The following SLF2 variants were observed in gnomAD, a reference collection of about 807,000 sequenced individuals.
The protein encoded by SLF2 is SMC5/6 complex localization factor 2.
A neutral mutation model predicts 124.3 loss-of-function variants in SLF2; 68 were observed. The ratio of observed to expected loss-of-function variants is 0.55; its 90% CI spans 0.45 to 0.67. SLF2 has a LOEUF of 0.67. Among genes scored for constraint, SLF2 ranks in the 30% least tolerant of loss-of-function variants. SLF2 has a pLI of 0.00. For synonymous variants in SLF2, 480 were observed against 478.8 expected, an observed-to-expected ratio of 1.00 and a Z score of -0.03; for missense variants, 1,246 against 1,373.7, an observed-to-expected ratio of 0.91 and a Z score of 1.47.
chr10:100,921,023 G>A (rs878889045), intron 4 of SLF2, among the ~76,000 whole-genome samples: 1 of 152,254 alleles, frequency 6.6e-6, no homozygotes, highest in East Asian at 1.9e-4. Context: ...TTAATCAATT[G>A]TCATGGTAAT....
At chr10:100,916,541 A>G (rs183960686) in intron 2 of SLF2, 29 bp from the exon 3 acceptor site, 170 of 1,311,622 alleles carry the variant, frequency 1.3e-4, no homozygotes, top group Admixed American at 8.4e-4. Flanking sequence ...CTAACATGCA[A>G]TTTGTATGTG....
At chr10:100,920,196 A>C (rs1460004498) in intron 4 of SLF2, among the ~76,000 whole-genome samples, 4 of 152,258 alleles carry the variant, frequency 2.6e-5, no homozygotes, top group Non-Finnish European at 5.9e-5. Context: ...TACTAAATAC[A>C]TGATCACCTT....
At chr10:100,920,463 G>A (rs931422957) in intron 4 of SLF2, among the ~76,000 whole-genome samples, 26 of 152,184 alleles carry the variant, frequency 1.7e-4, no homozygotes, top group African/African-American at 5.1e-4. Context: ...GATGGTTGCC[G>A]TCACTTATAT....
At chr10:100,959,347 A>C (rs1850387189) in intron 18 of SLF2, 81 bp from the exon 19 acceptor site, 3 of 1,312,756 alleles carry the variant, frequency 2.3e-6, no homozygotes, top group South Asian at 3.6e-5. Context: ...TGCAGCTGTC[A>C]GATATTTTGT....
chr10:100,957,716 G>T (rs1369791989), intron 18 of SLF2, among the ~76,000 whole-genome samples: 11 of 151,930 alleles, frequency 7.2e-5, no homozygotes, highest in Admixed American at 7.2e-4. Flanking sequence ...GGGTGGAAAT[G>T]ATTTCAGCAC....
chr10:100,945,281 T>TA (rs780859781), intron 12 of SLF2, 49 bp from the exon 13 acceptor site: 2 of 1,439,946 alleles, frequency 1.4e-6, no homozygotes, highest in Non-Finnish European at 1.8e-6. Context: ...ACTCTAAAAG[T>TA]AAAATATACC....
rs770365453 is a variant in SLF2 at position 100,964,849 on chromosome 10, G to A, written c.*2937G>A. ...AATTAGGGGATGACTGTGGTGGTTT[G>A]TCGCTAAGGAGGCAACAGTAGGGTC... On this transcript the variant is annotated 3_prime_UTR_variant, in exon 20 of 20. Transcript: ENST00000238961. 6.6e-6 allele frequency: 1 copy of A among 152,248 alleles called. No homozygotes were observed. The highest frequency in any genetic ancestry group is 1.5e-5 in the Non-Finnish European group (1 of 68,018). 9.4% of individuals were successfully genotyped at this position (152,248 alleles called of 1,614,324 possible). A position where few individuals can be genotyped will look rare whatever the true frequency, so the allele number is the denominator to read the frequency against.
intron 17 of SLF2, among the ~76,000 whole-genome samples, chr10:100,953,906 C>T (rs1008885407): frequency 6.6e-6 from 1 of 152,062 alleles, no homozygotes; most frequent in Admixed American, 6.5e-5. Flanking sequence ...CCCGCCTCAG[C>T]CTCCCAAAGT....
intron 19 of SLF2, among the ~76,000 whole-genome samples, chr10:100,960,377 A>G (rs1010148122): frequency 2.6e-5 from 4 of 152,244 alleles, no homozygotes; most frequent in South Asian, 4.1e-4. Context: ...GCATCATTTT[A>G]TATTCCCACC....
At position 100,924,434 on chromosome 10, in the gene SLF2, G is replaced by A. The variant is rs1180048026; in HGVS notation, c.1433G>A (p.Arg478His). The change falls in exon 5 of 20, where the codon CGT becomes CAT. Residue 478 changes from arginine to histidine, a missense_variant. This residue lies in a region of SLF2 where 698 missense variants were observed against 708.9 expected (regional missense o/e 0.98). Coordinates refer to ENST00000238961, the MANE Select transcript of SLF2 (RefSeq NM_018121.4). ...EKETKLPLLS[R>H]VPSAGSSLVP... Reference sequence around the variant, plus strand: ...GAGACAAAACTACCTTTACTTTCCCGTGTTCCAAGTGCTGGTTCCTCTCTA... The same window carrying A: ...GAGACAAAACTACCTTTACTTTCCCATGTTCCAAGTGCTGGTTCCTCTCTA... The A allele has an allele frequency of 6.8e-6, 11 of 1,614,010 alleles. No individual in the cohort carries two copies. The highest frequency in any genetic ancestry group is 3.3e-5 in the Admixed American group (2 of 59,996).
In SLF2 at chr10:100,945,375, C is replaced by T. The variant is rs367702979; in HGVS notation, c.2803C>T (p.Arg935Cys). Residue 935 changes from arginine (R) to cysteine (C), a missense_variant, in exon 13 of 20, where the codon CGT (arginine) becomes TGT (cysteine). Transcript: ENST00000238961. ...TATACATCCAGAAGGTTACCAGGAT[C>T]GTGAAATAATGTTGCTGATTTTAAT... ...TSIHPEGYQD[R>C]EIMLLILMLF... 5 of 1,601,506 alleles carry T rather than the reference C, an allele frequency of 3.1e-6. No individual in the cohort carries two copies. Among genetic ancestry groups the T allele is most frequent in the South Asian group, 2.3e-5 (2 of 87,644 alleles).
rs2133816294 is a variant in SLF2, at chr10:100,947,858, A to G, written c.3120+11A>G. 1.3e-6 allele frequency: 2 copies of G among 1,589,968 alleles called. No individual in the cohort carries two copies. Among genetic ancestry groups the G allele is most frequent in the South Asian group, 1.1e-5 (1 of 90,050 alleles). ...GCCAGTAATCTGCAGGTATAAATAA[A>G]TACATTTTTATTTTTAATAAATGGG... On this transcript the variant is annotated intron_variant, in intron 15 of 19. Transcript: ENST00000238961.
At chr10:100,945,548 A>G (rs1277393818) in intron 13 of SLF2, 42 bp downstream of exon 13, 2 of 1,440,506 alleles carry the variant, frequency 1.4e-6, no homozygotes, top group African/African-American at 1.5e-5. Context: ...TTTATATAGC[A>G]TTACAATTTG....
At chr10:100,922,670 G>A (rs1213501470) in intron 4 of SLF2, among the ~76,000 whole-genome samples, 1 of 151,546 alleles carries the variant, frequency 6.6e-6, no homozygotes, top group Non-Finnish European at 1.5e-5. Flanking sequence ...TCTTGCTTTG[G>A]TACCTAGGCT....
At position 100,945,347 on chromosome 10, in the gene SLF2, A is replaced by G. The variant is rs748755306; in HGVS notation, c.2775A>G (p.Thr925=). ...TTAAACAGTTTCTAGGCTTGTGTAC[A>G]TCTATACATCCAGAAGGTTACCAGG... The part of the protein sequence containing the change: ...LNVVKFLGLC[T]SIHPEGYQDR... Residue 925 remains threonine, a synonymous_variant, in exon 13 of 20, where the codon ACA becomes ACG. Coordinates refer to ENST00000238961, the MANE Select transcript of SLF2 (RefSeq NM_018121.4). The G allele has an allele frequency of 1.8e-5, 28 of 1,591,800 alleles. No individual in the cohort carries two copies. The highest frequency in any genetic ancestry group is 8.5e-7 in the Non-Finnish European group (1 of 1,174,666).
At chr10:100,944,242 T>TC (rs1850044933) in intron 12 of SLF2, 114 bp downstream of exon 12, 3 of 596,182 alleles carry the variant, frequency 5.0e-6, no homozygotes, top group Non-Finnish European at 5.6e-6. Flanking sequence ...ACGCCTGTAA[T>TC]CCCAGCACTT....
At chr10:100,927,286 T>G (rs151304882) in intron 6 of SLF2, among the ~76,000 whole-genome samples, 2,846 of 147,070 alleles carry the variant, frequency 0.019, 95 homozygotes, top group African/African-American at 0.065. Context: ...GCAACTACCC[T>G]TCTACTTTGT....
chr10:100,954,308 G>A (rs1850283305), intron 17 of SLF2, among the ~76,000 whole-genome samples: 1 of 151,994 alleles, frequency 6.6e-6, no homozygotes, highest in South Asian at 2.1e-4. Flanking sequence ...AATAACTATA[G>A]TATTTTGAAA....
In SLF2 at chr10:100,959,449, A is replaced by T; in HGVS notation, c.3439A>T (p.Ile1147Leu). The T allele has an allele frequency of 6.2e-7, 1 of 1,609,174 alleles. No individual in the cohort carries two copies. Among genetic ancestry groups the T allele is most frequent in the Non-Finnish European group, 8.5e-7 (1 of 1,178,840 alleles). The stretch of plus-strand genomic sequence containing the variant: ...TAAGGTGAAAGACTTGGTCGCCAGG[A>T]TACATGGAAAATGGCAGGAAATAAT... ...RTKVKDLVAR[I>L]HGKWQEIIQN... Residue 1147 changes from isoleucine to leucine, a missense_variant, in exon 19 of 20, where the codon ATA becomes TTA. Ile to Leu is a conservative substitution (Grantham distance 5). This residue lies in a region of SLF2 where 535 missense variants were observed against 632.8 expected (regional missense o/e 0.85). Coordinates refer to ENST00000238961, the MANE Select transcript of SLF2 (RefSeq NM_018121.4).
Sources: gnomAD v4.1 joint callset for allele counts (sites outside exome capture counted in the v4.1 genomes callset) on GRCh38, gnomAD v4.1.1 for gene constraint, gnomAD v4.1.1 regional missense constraint, MANE v1.5 for transcripts, NCBI Gene and HGNC (gene_info 2026-07-23, HGNC 2026-07-21) for gene names.